Variants in SPPL3 observed in about 807,000 individuals in gnomAD.
SPPL3 encodes the protein signal peptide peptidase like 3, also known as signal peptide peptidase-like 3.
Under a neutral mutation model 42.4 loss-of-function variants are expected in SPPL3, and 5 were observed. That is an observed-to-expected ratio of 0.12 (90% confidence interval 0.06 to 0.25). SPPL3 has a LOEUF of 0.25. Ranked by LOEUF, SPPL3 falls within the 10% of genes least tolerant of loss-of-function variation. The pLI, the probability that SPPL3 is intolerant of heterozygous loss-of-function variation, is 1.00. For synonymous variants in SPPL3, 195 were observed against 181.8 expected (o/e 1.07, Z -0.58); for missense variants, 235 against 489.0 (o/e 0.48, Z 4.90).
At chr12:120,781,980 G>A (rs1869562466) in intron 6 of SPPL3, among the ~76,000 whole-genome samples, 1 of 151,730 alleles carries the variant, frequency 6.6e-6, no homozygotes, top group Non-Finnish European at 1.5e-5. Flanking sequence ...TGGGCTCAAG[G>A]GATCCTCCCG....
At chr12:120,848,619 T>C (rs996916682) in intron 1 of SPPL3, among the ~76,000 whole-genome samples, 4 of 152,246 alleles carry the variant, frequency 2.6e-5, no homozygotes, top group African/African-American at 9.6e-5. Context: ...ATATTTTCGA[T>C]GGACTTATAA....
At chr12:120,836,810 C>T (rs1183815009) in intron 1 of SPPL3, among the ~76,000 whole-genome samples, 5 of 152,186 alleles carry the variant, frequency 3.3e-5, no homozygotes, top group African/African-American at 4.8e-5. Context: ...TAAAACTGTA[C>T]ACGCCTTAAC....
intron 1 of SPPL3, among the ~76,000 whole-genome samples, chr12:120,889,811 C>G (rs1214405808): frequency 6.6e-6 from 1 of 152,102 alleles, no homozygotes; most frequent in African/African-American, 2.4e-5. Flanking sequence ...GAAGGTAGGT[C>G]CAGCCTAACA....
At chr12:120,798,604 T>C (rs1196518822) in intron 2 of SPPL3, among the ~76,000 whole-genome samples, 4 of 152,204 alleles carry the variant, frequency 2.6e-5, no homozygotes, top group Non-Finnish European at 5.9e-5. Flanking sequence ...CTGGAGTCAA[T>C]GGAACATGAA....
chr12:120,820,171 G>C (rs1272795157), intron 1 of SPPL3, among the ~76,000 whole-genome samples: 1 of 152,006 alleles, frequency 6.6e-6, no homozygotes, highest in East Asian at 1.9e-4. Flanking sequence ...AAGGTTGTTA[G>C]AATTTTTTTG....
intron 1 of SPPL3, among the ~76,000 whole-genome samples, chr12:120,897,262 G>T (rs1873838427): frequency 6.6e-6 from 1 of 152,050 alleles, no homozygotes; most frequent in Non-Finnish European, 1.5e-5. Context: ...GGCTGATATG[G>T]TACACTCTCC....
At chr12:120,808,625 TCACTGTAACAGTC>T (rs1204060845) in intron 2 of SPPL3, among the ~76,000 whole-genome samples, 1 of 152,198 alleles carries the variant, frequency 6.6e-6, no homozygotes, top group African/African-American at 2.4e-5. Context: ...AAAGCTATCA[TCACTGTAACAGTC>T]CACTTGTCCA....
chr12:120,812,057 T>A (rs907549214), intron 1 of SPPL3, among the ~76,000 whole-genome samples: 2 of 151,126 alleles, frequency 1.3e-5, no homozygotes, highest in African/African-American at 2.4e-5. Flanking sequence ...GAGGGAAGAA[T>A]TGCAGTGATC....
intron 6 of SPPL3, among the ~76,000 whole-genome samples, chr12:120,781,637 G>T (rs548183584): frequency 8.2e-6 from 1 of 121,580 alleles, no homozygotes; most frequent in Non-Finnish European, 1.6e-5. Context: ...GCAGTGGCTC[G>T]ATCTTGGCTC....
intron 6 of SPPL3, among the ~76,000 whole-genome samples, chr12:120,780,529 G>A (rs1370251343): frequency 2.0e-5 from 3 of 149,788 alleles, no homozygotes; most frequent in Admixed American, 1.3e-4. Flanking sequence ...CGGGAGGATC[G>A]CCTGGGTCCA....
At chr12:120,900,254 A>G (rs1469976914) in intron 1 of SPPL3, among the ~76,000 whole-genome samples, 1 of 152,028 alleles carries the variant, frequency 6.6e-6, no homozygotes. Flanking sequence ...TAGTGGCACA[A>G]CAGTCTCCAC....
At chr12:120,774,472 G>A (rs112799190) in intron 6 of SPPL3, among the ~76,000 whole-genome samples, 2,499 of 152,250 alleles carry the variant, frequency 0.016, 28 homozygotes, top group South Asian at 0.067. Context: ...CTGTCTGAAC[G>A]GGTTCCTATT....
At chr12:120,786,256 G>T (rs1321170304) in intron 3 of SPPL3, among the ~76,000 whole-genome samples, 1 of 152,108 alleles carries the variant, frequency 6.6e-6, no homozygotes, top group Admixed American at 6.5e-5. Context: ...CTTGGCCCAA[G>T]GATCACTTCG....
At chr12:120,788,663 CCTAT>C (rs1002763104) in intron 3 of SPPL3, among the ~76,000 whole-genome samples, 6 of 152,226 alleles carry the variant, frequency 3.9e-5, no homozygotes, top group African/African-American at 1.4e-4. Context: ...CTCCTGCTCT[CCTAT>C]CTCTTTACAA....
At chr12:120,765,112 A>T (rs1592950694) in intron 10 of SPPL3, 42 bp from the exon 11 acceptor site, 1 of 1,597,748 alleles carries the variant, frequency 6.3e-7, no homozygotes. Flanking sequence ...TTTAAACATG[A>T]GGCACACACA....
intron 1 of SPPL3, among the ~76,000 whole-genome samples, chr12:120,849,084 G>A (rs1160158307): frequency 1.3e-5 from 2 of 152,030 alleles, no homozygotes; most frequent in South Asian, 2.1e-4. Flanking sequence ...GGAGGATTGC[G>A]TGAGCCCAGG....
At chr12:120,813,198 A>G (rs1181017248) in intron 1 of SPPL3, among the ~76,000 whole-genome samples, 1 of 152,092 alleles carries the variant, frequency 6.6e-6, no homozygotes, top group East Asian at 1.9e-4. Context: ...TCGTGAGGAA[A>G]GACTGATGCA....
chr12:120,900,924 A>AC (rs1491369732), intron 1 of SPPL3, among the ~76,000 whole-genome samples: 2 of 34,894 alleles, frequency 5.7e-5, no homozygotes, highest in Admixed American at 2.0e-4. Context: ...CCTGTCTCAC[A>AC]AAAAAAAAAA....
intron 1 of SPPL3, among the ~76,000 whole-genome samples, chr12:120,902,216 C>T (rs1472033428): frequency 6.6e-6 from 1 of 152,192 alleles, no homozygotes; most frequent in Non-Finnish European, 1.5e-5. Context: ...TTTAATTCTT[C>T]CTTTAGGGTT....
Sources: gnomAD v4.1 joint callset for allele counts (sites outside exome capture counted in the v4.1 genomes callset) on GRCh38, gnomAD v4.1.1 for gene constraint, MANE v1.5 for transcripts, NCBI Gene and HGNC (gene_info 2026-07-23, HGNC 2026-07-21) for gene names.